CMC1: variants seen among roughly 807,000 people sequenced by gnomAD.
CMC1 encodes the protein C-X9-C motif containing 1.
CMC1 carries 14 observed loss-of-function variants against 14.1 expected under a neutral mutation model. The observed-to-expected ratio is 0.99, with a 90% CI of 0.66 to 1.55. CMC1 has a LOEUF of 1.55. Ranked by LOEUF, CMC1 falls within the 40% of genes most tolerant of loss-of-function variation. The pLI, the probability that CMC1 is intolerant of heterozygous loss-of-function variation, is 0.00. For missense variants in CMC1, 127 were observed against 123.8 expected, an observed-to-expected ratio of 1.03 and a Z score of -0.12; for synonymous variants, 50 against 38.4, an observed-to-expected ratio of 1.30 and a Z score of -1.12.
At chr3:28,285,515 A>C (rs990170031) in intron 2 of CMC1, among the ~76,000 whole-genome samples, 10 of 152,056 alleles carry the variant, frequency 6.6e-5, no homozygotes, top group Admixed American at 2.0e-4. Context: ...ATAGACATTG[A>C]AGACCAGGAA....
intron 2 of CMC1, among the ~76,000 whole-genome samples, chr3:28,293,638 G>A (rs1310708837): frequency 6.6e-6 from 1 of 152,112 alleles, no homozygotes; most frequent in Non-Finnish European, 1.5e-5. Context: ...CTGGGGTGCA[G>A]TAGTGTGCTC....
intron 2 of CMC1, among the ~76,000 whole-genome samples, chr3:28,285,590 A>T (rs749108681): frequency 7.9e-5 from 12 of 151,972 alleles, no homozygotes; most frequent in Non-Finnish European, 1.2e-4. Flanking sequence ...CTGTATTCAG[A>T]TGATGGTTAC....
rs1276666976 is a variant in CMC1 at position 28,324,571 on chromosome 3, A to G, written c.*4942A>G. 5.2e-6 allele frequency: 5 copies of G among 968,284 alleles called. No homozygotes were observed. The highest frequency in any genetic ancestry group is 7.0e-6 in the Non-Finnish European group (5 of 710,450). 60.0% of individuals were successfully genotyped at this position (968,284 alleles called of 1,614,324 possible). A position where few individuals can be genotyped will look rare whatever the true frequency, so the allele number is the denominator to read the frequency against. ...GTGATGAAATTAAGATTTCCAAGTT[A>G]GTGTGATCATTGAGGCACTGTGACT... On this transcript the variant is annotated 3_prime_UTR_variant, in exon 4 of 4. Coordinates refer to ENST00000466830, the MANE Select transcript of CMC1 (RefSeq NM_182523.2).
chr3:28,303,972 C>T (rs1175646398), intron 2 of CMC1, among the ~76,000 whole-genome samples: 2 of 151,808 alleles, frequency 1.3e-5, no homozygotes, highest in Admixed American at 6.6e-5. Flanking sequence ...ATAACTAAGC[C>T]TAGAATGATC....
Position 28,322,942 on chromosome 3 carries a change from C to T in CMC1, c.*3313C>T, listed in dbSNP as rs1292202616. On this transcript the variant is annotated 3_prime_UTR_variant, in exon 4 of 4. Coordinates refer to ENST00000466830, the MANE Select transcript of CMC1 (RefSeq NM_182523.2). ...AAGGTGTATGAACCAAGTAAATCTC[C>T]ACCCTGAAAGAACTTAAATTTCCAT... is the stretch of plus-strand genomic sequence containing the variant. 1 of 150,404 alleles carries T rather than the reference C, an allele frequency of 6.6e-6. No individual in the cohort carries two copies. Among genetic ancestry groups the T allele is most frequent in the Non-Finnish European group, 1.5e-5 (1 of 66,886 alleles). 9.3% of individuals were successfully genotyped at this position (150,404 alleles called of 1,614,324 possible). A position where few individuals can be genotyped will look rare whatever the true frequency, so the allele number is the denominator to read the frequency against.
At chr3:28,264,261 C>T (rs760911932) in intron 2 of CMC1, among the ~76,000 whole-genome samples, 13 of 152,146 alleles carry the variant, frequency 8.5e-5, no homozygotes, top group Non-Finnish European at 1.9e-4. Context: ...TGCACTTCCA[C>T]TGCAAGCTTC....
chr3:28,297,057 T>G (rs1701774050), intron 2 of CMC1: 1 of 152,120 alleles, frequency 6.6e-6, no homozygotes, highest in Admixed American at 6.6e-5. Flanking sequence ...GCTGTTTTAT[T>G]TATTTGTTTC....
chr3:28,305,143 T>C (rs1184651986), intron 2 of CMC1, among the ~76,000 whole-genome samples: 1 of 152,180 alleles, frequency 6.6e-6, no homozygotes, highest in Non-Finnish European at 1.5e-5. Flanking sequence ...TGTCCCTGCA[T>C]ACCCATTGTT....
chr3:28,292,170 C>T (rs1313543009), intron 2 of CMC1, among the ~76,000 whole-genome samples: 3 of 152,078 alleles, frequency 2.0e-5, no homozygotes, highest in Non-Finnish European at 2.9e-5. Flanking sequence ...TTGCCAAAAT[C>T]TTTCCTTTTT....
At chr3:28,313,146 G>A (rs6762636) in intron 2 of CMC1, among the ~76,000 whole-genome samples, 71,038 of 151,972 alleles carry the variant, frequency 0.47, 17,080 homozygotes, top group East Asian at 0.8. Flanking sequence ...GTGAGCCACC[G>A]TGCCTGGCTT....
chr3:28,261,449 T>C (rs897801006), intron 1 of CMC1, among the ~76,000 whole-genome samples: 11 of 152,162 alleles, frequency 7.2e-5, no homozygotes, highest in African/African-American at 2.7e-4. Context: ...TGAGCACTTC[T>C]TTTGGCCATT....
intron 2 of CMC1, among the ~76,000 whole-genome samples, chr3:28,280,905 C>G (rs1700855214): frequency 6.6e-6 from 1 of 152,202 alleles, no homozygotes; most frequent in African/African-American, 2.4e-5. Context: ...CCACCTATCT[C>G]TGTAAACAAA....
chr3:28,270,920 CTTTTT>C (rs71087680), intron 2 of CMC1, among the ~76,000 whole-genome samples: 1 of 83,736 alleles, frequency 1.2e-5, no homozygotes, highest in African/African-American at 5.1e-5. Context: ...GAGTTAATTT[CTTTTT>C]TTTTTTTTTT....
chr3:28,316,168 G>A (rs938166966), intron 2 of CMC1, 165 bp from the exon 3 acceptor site: 13 of 479,124 alleles, frequency 2.7e-5, no homozygotes, highest in Non-Finnish European at 4.8e-5. Context: ...CAAGCACAAT[G>A]TACATAATAG....
intron 2 of CMC1, among the ~76,000 whole-genome samples, chr3:28,285,964 A>G (rs1701157261): frequency 6.6e-6 from 1 of 151,928 alleles, no homozygotes; most frequent in African/African-American, 2.4e-5. Flanking sequence ...ACGGGGTTTC[A>G]CTGTGTTAGC....
intron 1 of CMC1, 58 bp from the exon 2 acceptor site, chr3:28,263,233 T>G: frequency 8.1e-7 from 1 of 1,230,262 alleles, no homozygotes; most frequent in Admixed American, 2.3e-5. Context: ...GTCTTATTTT[T>G]CCTTTAATCT....
In CMC1 at chr3:28,261,574, T is replaced by G. The variant is rs186553647; in HGVS notation, c.20-1717T>G. On this transcript the variant is annotated intron_variant, in intron 1 of 3. Transcript: ENST00000466830. ...AGAGCAGGTGTTCAATTTGCCATTT[T>G]AGTCCAATTTTGGAAGTTGTGTTTA... 7.9e-5 allele frequency among the ~76,000 whole-genome samples: 12 copies of G among 152,336 alleles called. No homozygotes were observed. The East Asian group carries it at 2.3e-3, about 29-fold the overall frequency.
chr3:28,293,302 A>G (rs5003244), intron 2 of CMC1, among the ~76,000 whole-genome samples: 31,647 of 150,022 alleles, frequency 0.21, 4,118 homozygotes, highest in Middle Eastern at 0.29. Context: ...CTACAAATAG[A>G]GGGACTTTTT....
At chr3:28,248,124 G>A (rs1240039574) in intron 1 of CMC1, among the ~76,000 whole-genome samples, 1 of 151,858 alleles carries the variant, frequency 6.6e-6, no homozygotes, top group Non-Finnish European at 1.5e-5. Flanking sequence ...ACGAATAAAA[G>A]GAAACCTTTT....
Sources: allele counts gnomAD v4.1 joint callset (sites outside exome capture counted in the v4.1 genomes callset), GRCh38; gene constraint gnomAD v4.1.1; transcripts MANE v1.5; gene names NCBI Gene and HGNC (gene_info 2026-07-23, HGNC 2026-07-21).